Variants in SLC39A8 observed in about 807,000 individuals in gnomAD.
The protein encoded by SLC39A8 is metal cation symporter ZIP8.
SLC39A8 carries 15 observed loss-of-function variants against 40.4 expected under a neutral mutation model. The ratio of observed to expected loss-of-function variants is 0.37; its 90% CI spans 0.25 to 0.57. The LOEUF (loss-of-function observed/expected upper bound fraction) is 0.57. Ranked by LOEUF, SLC39A8 falls within the 20% of genes least tolerant of loss-of-function variation. The pLI is 0.75. For synonymous variants in SLC39A8, 223 were observed against 221.6 expected, an observed-to-expected ratio of 1.01 and a Z score of -0.06; for missense variants, 472 against 558.8, an observed-to-expected ratio of 0.84 and a Z score of 1.57.
At chr4:102,317,974 C>G (rs1734737114) in intron 2 of SLC39A8, among the ~76,000 whole-genome samples, 1 of 152,092 alleles carries the variant, frequency 6.6e-6, no homozygotes, top group African/African-American at 2.4e-5. Context: ...TAGACCATAT[C>G]ACACATAATA....
Position 102,262,058 on chromosome 4 carries a change from C to G in SLC39A8, c.*986G>C, listed in dbSNP as rs1731887361. 1.0e-6 allele frequency: 1 copy of G among 985,920 alleles called. No homozygotes were observed. Among genetic ancestry groups the G allele is most frequent in the African/African-American group, 1.7e-5 (1 of 57,336 alleles). 61.1% of individuals were successfully genotyped at this position (985,920 alleles called of 1,614,324 possible). A position where few individuals can be genotyped will look rare whatever the true frequency, so the allele number is the denominator to read the frequency against. On this transcript the variant is annotated 3_prime_UTR_variant, in exon 9 of 9. Transcript: ENST00000356736. ...CAAAGGAAGTCTTTTCTGAATGGCT[C>G]TCGATCACACATAAGGAACATATGT...
At chr4:102,329,019 C>T (rs752299491) in intron 2 of SLC39A8, among the ~76,000 whole-genome samples, 5 of 141,502 alleles carry the variant, frequency 3.5e-5, no homozygotes, top group African/African-American at 1.0e-4. Flanking sequence ...CAGAGAGAGA[C>T]TGAATCTCAA....
At chr4:102,309,208 T>A (rs1205674609) in intron 3 of SLC39A8, among the ~76,000 whole-genome samples, 15 of 152,084 alleles carry the variant, frequency 9.9e-5, no homozygotes, top group South Asian at 6.2e-4. Flanking sequence ...AAACCATGGC[T>A]CCTGCCACCA....
intron 6 of SLC39A8, among the ~76,000 whole-genome samples, chr4:102,283,347 C>A (rs1732989996): frequency 6.6e-6 from 1 of 152,200 alleles, no homozygotes; most frequent in Admixed American, 6.5e-5. Flanking sequence ...GGTCAAGATA[C>A]TGCTCAAGAG....
rs1430825878 is a variant in SLC39A8, at chr4:102,285,021, T to G, written c.841-16942A>C. On this transcript the variant is annotated intron_variant, in intron 6 of 8. Transcript: ENST00000356736. ...GTTTCTGACTTTTATCCACTTTCAC[T>G]AAGTTGGTATAAAGGTTCGATAAAG... Among the ~76,000 whole-genome samples, 4 of 152,300 alleles carry G rather than the reference T, an allele frequency of 2.6e-5. No homozygotes were observed. In the East Asian group the frequency reaches 7.7e-4, roughly 29 times the overall value.
intron 6 of SLC39A8, among the ~76,000 whole-genome samples, chr4:102,298,916 G>C (rs1403831672): frequency 6.6e-6 from 1 of 152,006 alleles, no homozygotes; most frequent in Non-Finnish European, 1.5e-5. Context: ...AAGAGAAGTG[G>C]CTGCAAGTCT....
chr4:102,344,812 G>C lies in SLC39A8; in HGVS notation c.-150C>G. 7.6e-7 allele frequency: 1 copy of C among 1,321,896 alleles called. No individual in the cohort carries two copies. The highest frequency in any genetic ancestry group is 9.6e-7 in the Non-Finnish European group (1 of 1,040,876). 81.9% of individuals were successfully genotyped at this position (1,321,896 alleles called of 1,614,324 possible). A position where few individuals can be genotyped will look rare whatever the true frequency, so the allele number is the denominator to read the frequency against. On this transcript the variant is annotated 5_prime_UTR_variant, in exon 2 of 9. Coordinates refer to ENST00000356736, the MANE Select transcript of SLC39A8 (RefSeq NM_001135146.2). The stretch of plus-strand genomic sequence containing the variant: ...TGGCGCGGGACGCCCCTGGTTCTCC[G>C]ACGCCTTCGAAAGAACAGCAGCTCG...
At chr4:102,342,032 T>TTA (rs1735966438) in intron 2 of SLC39A8, among the ~76,000 whole-genome samples, 1 of 152,172 alleles carries the variant, frequency 6.6e-6, no homozygotes, top group Admixed American at 6.5e-5. Flanking sequence ...TTCCTCAGGG[T>TTA]ATGTAAGCAT....
chr4:102,315,562 T>C (rs1421081571), intron 3 of SLC39A8, 106 bp downstream of exon 3: 5 of 941,958 alleles, frequency 5.3e-6, no homozygotes, highest in East Asian at 2.6e-5. Context: ...AGAAGTTCTA[T>C]GTAGATTAAT....
intron 8 of SLC39A8, among the ~76,000 whole-genome samples, chr4:102,266,853 G>A (rs1352799173): frequency 4.6e-5 from 7 of 152,044 alleles, no homozygotes; most frequent in South Asian, 2.1e-4. Flanking sequence ...TGATCCGCCC[G>A]CCTCGGCCTC....
intron 3 of SLC39A8, among the ~76,000 whole-genome samples, chr4:102,311,351 T>C (rs921205334): frequency 6.6e-6 from 1 of 152,124 alleles, no homozygotes; most frequent in Non-Finnish European, 1.5e-5. Context: ...AATTAGTAAG[T>C]AGACCATGAT....
chr4:102,345,077 A>G (rs1157493991), intron 1 of SLC39A8, 162 bp from the exon 2 acceptor site: 1 of 209,810 alleles, frequency 4.8e-6, no homozygotes, highest in Non-Finnish European at 8.8e-6. Context: ...TTGCGTACAT[A>G]TGCTCCTCCC....
intron 6 of SLC39A8, among the ~76,000 whole-genome samples, chr4:102,272,472 A>C (rs1489020059): frequency 2.6e-5 from 4 of 151,944 alleles, no homozygotes; most frequent in Admixed American, 1.3e-4. Flanking sequence ...TTACCCAGGT[A>C]TGGTGTCATG....
At chr4:102,281,634 G>A (rs770857233) in intron 6 of SLC39A8, among the ~76,000 whole-genome samples, 1 of 152,062 alleles carries the variant, frequency 6.6e-6, no homozygotes, top group African/African-American at 2.4e-5. Context: ...AGGACCAAGT[G>A]GGGGTGATAA....
At chr4:102,274,884 T>C (rs1732545660) in intron 6 of SLC39A8, among the ~76,000 whole-genome samples, 2 of 152,124 alleles carry the variant, frequency 1.3e-5, no homozygotes, top group African/African-American at 4.8e-5. Context: ...ACAAAATCCT[T>C]TACAGACAAT....
chr4:102,321,847 G>A (rs2149045311), intron 2 of SLC39A8, among the ~76,000 whole-genome samples: 2 of 152,336 alleles, frequency 1.3e-5, no homozygotes, highest in Middle Eastern at 6.8e-3. Flanking sequence ...GGGAGTAGTG[G>A]AGCTGATCAG....
At chr4:102,342,814 TC>T (rs1281806714) in intron 2 of SLC39A8, among the ~76,000 whole-genome samples, 2 of 152,034 alleles carry the variant, frequency 1.3e-5, no homozygotes, top group African/African-American at 2.4e-5. Context: ...TGTGGGGAGG[TC>T]TTTTGCCCCT....
chr4:102,273,416 G>A (rs1169649458), intron 6 of SLC39A8, among the ~76,000 whole-genome samples: 4 of 152,196 alleles, frequency 2.6e-5, no homozygotes, highest in African/African-American at 7.2e-5. Flanking sequence ...TCTGGGCAAG[G>A]CATCTCTGGC....
chr4:102,293,380 G>A (rs1207919687), intron 6 of SLC39A8, among the ~76,000 whole-genome samples: 1 of 151,854 alleles, frequency 6.6e-6, no homozygotes, highest in Non-Finnish European at 1.5e-5. Flanking sequence ...ATTGTCCTAC[G>A]AGCCCTTGCC....
Sources: gnomAD v4.1 joint callset for allele counts (sites outside exome capture counted in the v4.1 genomes callset) on GRCh38, gnomAD v4.1.1 for gene constraint, MANE v1.5 for transcripts, NCBI Gene and HGNC (gene_info 2026-07-23, HGNC 2026-07-21) for gene names.